The following DACH2 variants were observed in gnomAD, a reference collection of about 807,000 sequenced individuals.
The protein encoded by DACH2 is dachshund homolog 2.
In DACH2, 17 loss-of-function variants were observed where a neutral mutation model predicts 35.8. The observed-to-expected ratio is 0.48, with a 90% CI of 0.33 to 0.71. The LOEUF (loss-of-function observed/expected upper bound fraction) is 0.71, where lower values mean the gene tolerates loss of function less well. Among genes scored for constraint, DACH2 ranks in the 30% least tolerant of loss-of-function variants. DACH2 has a pLI of 0.02. For synonymous variants in DACH2, 195 were observed against 177.3 expected, an observed-to-expected ratio of 1.10 and a Z score of -0.79; for missense variants, 469 against 472.7, an observed-to-expected ratio of 0.99 and a Z score of 0.07.
intron 7 of DACH2, among the ~76,000 whole-genome samples, chrX:86,764,064 A>C (rs1369132058): frequency 8.9e-6 from 1 of 111,785 alleles, no homozygotes; most frequent in African/African-American, 3.3e-5. Context: ...AATCAGAATA[A>C]AATATTACAG....
At chrX:86,156,343 A>G (rs2030543393) in intron 1 of DACH2, among the ~76,000 whole-genome samples, 1 of 111,711 alleles carries the variant, frequency 9.0e-6, no homozygotes, top group Non-Finnish European at 1.9e-5. Flanking sequence ...TTGAATGAAT[A>G]CAACTATGCA....
At chrX:86,803,684 G>A (rs1395247801) in intron 7 of DACH2, among the ~76,000 whole-genome samples, 2 of 110,257 alleles carry the variant, frequency 1.8e-5, no homozygotes, top group Non-Finnish European at 1.9e-5. Flanking sequence ...AGATACTGAG[G>A]AGACAACAGT....
intron 2 of DACH2, among the ~76,000 whole-genome samples, chrX:86,443,184 T>C (rs1466137216): frequency 8.9e-6 from 1 of 111,917 alleles, no homozygotes; most frequent in Non-Finnish European, 1.9e-5. Flanking sequence ...ATTAGTCCAA[T>C]CCATAATCGC....
At chrX:86,292,290 A>G (rs1480075479) in intron 1 of DACH2, among the ~76,000 whole-genome samples, 1 of 90,389 alleles carries the variant, frequency 1.1e-5, no homozygotes, top group Non-Finnish European at 2.1e-5. Flanking sequence ...ATCATTTTTT[A>G]TTGCGTTGAT....
intron 4 of DACH2, among the ~76,000 whole-genome samples, chrX:86,671,229 A>G (rs2040761133): frequency 8.9e-6 from 1 of 112,056 alleles, no homozygotes; most frequent in East Asian, 2.8e-4. Flanking sequence ...TTCTAATTCA[A>G]TTAAGATCAG....
chrX:86,732,207 G>A (rs996855271), intron 6 of DACH2, among the ~76,000 whole-genome samples: 1 of 111,677 alleles, frequency 9.0e-6, no homozygotes, highest in African/African-American at 3.2e-5. Context: ...TTAAAAATCA[G>A]CAAGTGTCTT....
chrX:86,657,240 A>C (rs1022898734), intron 4 of DACH2, among the ~76,000 whole-genome samples: 3 of 110,426 alleles, frequency 2.7e-5, no homozygotes, highest in Non-Finnish European at 3.8e-5. Flanking sequence ...AAAAGAATGT[A>C]ATTGGATTGT....
chrX:86,787,135 G>A (rs1335522952), intron 7 of DACH2, among the ~76,000 whole-genome samples: 3 of 111,799 alleles, frequency 2.7e-5, no homozygotes, highest in South Asian at 3.7e-4. Flanking sequence ...GTCTTTATCA[G>A]TAGCATGAAA....
intron 3 of DACH2, among the ~76,000 whole-genome samples, chrX:86,610,747 G>T (rs1230234672): frequency 9.1e-6 from 1 of 110,251 alleles, no homozygotes; most frequent in Non-Finnish European, 1.9e-5. Context: ...ATGCCTAGTC[G>T]CCAAGGGTTC....
At chrX:86,364,883 T>C (rs915204838) in intron 1 of DACH2, among the ~76,000 whole-genome samples, 11 of 111,312 alleles carry the variant, frequency 9.9e-5, no homozygotes, top group African/African-American at 3.6e-4. Flanking sequence ...GGAAGAGATA[T>C]TTGAATAAAG....
chrX:86,303,968 C>G (rs1021935372), intron 1 of DACH2, among the ~76,000 whole-genome samples: 1 of 111,105 alleles, frequency 9.0e-6, no homozygotes, highest in African/African-American at 3.3e-5. Flanking sequence ...ATCACACTAC[C>G]TGACTTCAAA....
intron 7 of DACH2, among the ~76,000 whole-genome samples, chrX:86,803,063 T>C (rs2042310139): frequency 1.8e-5 from 2 of 112,109 alleles, no homozygotes; most frequent in South Asian, 3.6e-4. Flanking sequence ...TTGGTGCTTT[T>C]TGTTTGTTTG....
intron 1 of DACH2, among the ~76,000 whole-genome samples, chrX:86,259,451 G>T (rs1383586399): frequency 9.0e-6 from 1 of 111,636 alleles, no homozygotes; most frequent in African/African-American, 3.3e-5. Context: ...GTTGTTTCAG[G>T]CATGACAAAA....
Position 86,153,634 on chromosome X carries a change from C to A in DACH2, c.488+4526C>A, listed in dbSNP as rs1262821473. The stretch of plus-strand genomic sequence containing the variant: ...TAGAAAAGAATCTGTGTAGTAAATG[C>A]ACATTTTATTCTATAGGACAATGAA... On this transcript the variant is annotated intron_variant, in intron 1 of 11. Transcript: ENST00000373125. Among the ~76,000 whole-genome samples the A allele has an allele frequency of 1.7e-4, 19 of 111,442 alleles. No homozygotes were observed. The Admixed American group carries it at 1.7e-3, about 10-fold the overall frequency.
chrX:86,513,862 T>C (rs2038429403), intron 2 of DACH2, among the ~76,000 whole-genome samples: 1 of 112,157 alleles, frequency 8.9e-6, no homozygotes, highest in Non-Finnish European at 1.9e-5. Flanking sequence ...TATTCACCTC[T>C]GGCATGCTGG....
At chrX:86,416,741 A>C (rs748816974) in intron 2 of DACH2, among the ~76,000 whole-genome samples, 1 of 110,888 alleles carries the variant, frequency 9.0e-6, no homozygotes, top group African/African-American at 3.3e-5. Context: ...GGGAGCAGAC[A>C]TCACATGGCA....
intron 1 of DACH2, among the ~76,000 whole-genome samples, chrX:86,198,697 C>A (rs2032061131): frequency 9.0e-6 from 1 of 111,330 alleles, no homozygotes; most frequent in Non-Finnish European, 1.9e-5. Context: ...AAAATACACT[C>A]TCTCAAGACT....
At chrX:86,499,219 T>G (rs1193694590) in intron 2 of DACH2, among the ~76,000 whole-genome samples, 7 of 111,990 alleles carry the variant, frequency 6.3e-5, no homozygotes, top group Non-Finnish European at 9.4e-5. Context: ...TGCTATTCAT[T>G]GACATTTCTG....
intron 3 of DACH2, among the ~76,000 whole-genome samples, chrX:86,544,268 A>G (rs1409882069): frequency 9.0e-6 from 1 of 111,246 alleles, no homozygotes; most frequent in Non-Finnish European, 1.9e-5. Flanking sequence ...AGAGACCAAC[A>G]TTCAAATTCA....
Sources: gnomAD v4.1 joint callset for allele counts (sites outside exome capture counted in the v4.1 genomes callset) on GRCh38, gnomAD v4.1.1 for gene constraint, MANE v1.5 for transcripts, NCBI Gene and HGNC (gene_info 2026-07-23, HGNC 2026-07-21) for gene names.